UNC79: variants seen among roughly 807,000 people sequenced by gnomAD.
UNC79 encodes the protein protein unc-79 homolog.
In UNC79, 37 loss-of-function variants were observed where a neutral mutation model predicts 283.1. The observed-to-expected ratio is 0.13, with a 90% CI of 0.10 to 0.17. UNC79 has a LOEUF of 0.17. UNC79 is among the 10% of genes least tolerant of loss of function. The pLI is 1.00. For missense variants in UNC79, 2,272 were observed against 3,211.1 expected (o/e 0.71, Z 7.07); for synonymous variants, 1,107 against 1,200.2 (o/e 0.92, Z 1.61).
chr14:93,339,710 ACTGT>A (rs1339504888), intron 1 of UNC79, among the ~76,000 whole-genome samples: 1 of 152,176 alleles, frequency 6.6e-6, no homozygotes, highest in Non-Finnish European at 1.5e-5. Flanking sequence ...GATGTTGATG[ACTGT>A]CTGGATTAGC....
At chr14:93,695,588 AT>A in intron 47 of UNC79, among the ~76,000 whole-genome samples, 1 of 152,216 alleles carries the variant, frequency 6.6e-6, no homozygotes, top group East Asian at 1.9e-4. Context: ...GAACATATCC[AT>A]CACCTCCAAA....
chr14:93,369,128 A>T (rs2054393889), intron 1 of UNC79, among the ~76,000 whole-genome samples: 2 of 152,192 alleles, frequency 1.3e-5, no homozygotes, highest in Non-Finnish European at 2.9e-5. Context: ...AACACAACAT[A>T]CATTAACCCA....
intron 25 of UNC79, 77 bp downstream of exon 25, chr14:93,600,847 A>C: frequency 6.6e-7 from 1 of 1,506,150 alleles, no homozygotes. Context: ...AGACATTGGC[A>C]TGTCGTTTAA....
At chr14:93,540,913 T>C (rs2061341493) in intron 13 of UNC79, 82 bp downstream of exon 13, 1 of 1,568,762 alleles carries the variant, frequency 6.4e-7, no homozygotes, top group South Asian at 1.1e-5. Flanking sequence ...TCCTGTTCTT[T>C]TAAAAGGAGT....
chr14:93,479,619 CCTCT>C (rs1000571473), intron 4 of UNC79, among the ~76,000 whole-genome samples: 6 of 150,510 alleles, frequency 4.0e-5, no homozygotes, highest in Admixed American at 6.6e-5. Context: ...TTCCTCCCTT[CCTCT>C]CTCTCTCTCT....
At chr14:93,444,789 C>G (rs1227335146) in intron 1 of UNC79, among the ~76,000 whole-genome samples, 2 of 152,106 alleles carry the variant, frequency 1.3e-5, no homozygotes, top group East Asian at 3.8e-4. Context: ...ATCTTTAGTA[C>G]TATCAGTCTT....
At chr14:93,510,169 T>G (rs1249405288) in intron 7 of UNC79, among the ~76,000 whole-genome samples, 1 of 152,220 alleles carries the variant, frequency 6.6e-6, no homozygotes, top group South Asian at 2.1e-4. Context: ...AACAGTGTCC[T>G]GAGGTTGTGC....
rs549926832 is a variant in UNC79, at chr14:93,610,135, AG to A, written c.3755-2659del. On this transcript the variant is annotated intron_variant, in intron 26 of 48. Coordinates refer to ENST00000555664, the Ensembl canonical transcript of UNC79. ...AACATGCCCACTTGTAATGAGAAGAAGGGTTTTTAAATATTTAAGCTGAAGT... is the reference window on the plus strand; with the variant it reads ...AACATGCCCACTTGTAATGAGAAGAAGGTTTTTAAATATTTAAGCTGAAGT... 4.8e-3 allele frequency among the ~76,000 whole-genome samples: 728 copies of A among 152,270 alleles called. 8 individuals carry two copies. The highest frequency in any genetic ancestry group is 0.016 in the African/African-American group (662 of 41,548).
intron 30 of UNC79, among the ~76,000 whole-genome samples, chr14:93,629,829 C>T (rs7154324): frequency 0.66 from 100,476 of 152,086 alleles, 33,367 homozygotes; most frequent in Admixed American, 0.69. Flanking sequence ...GGGTTGACAT[C>T]CCTGAATTCC....
At chr14:93,603,720 G>T (rs965712447) in intron 26 of UNC79, among the ~76,000 whole-genome samples, 4 of 152,158 alleles carry the variant, frequency 2.6e-5, no homozygotes, top group Admixed American at 1.3e-4. Context: ...TAAGTCCTAG[G>T]ACACCAAAGT....
intron 34 of UNC79, among the ~76,000 whole-genome samples, chr14:93,645,446 C>G (rs1413994091): frequency 6.6e-6 from 1 of 152,210 alleles, no homozygotes; most frequent in African/African-American, 2.4e-5. Flanking sequence ...AGCCTAATCA[C>G]CAAAGCTACC....
intron 1 of UNC79, among the ~76,000 whole-genome samples, chr14:93,365,393 A>AG (rs2054308573): frequency 6.6e-6 from 1 of 151,682 alleles, no homozygotes; most frequent in Admixed American, 6.6e-5. Context: ...TCAAAAAAAA[A>AG]AAAAAAAAAA....
At chr14:93,425,510 T>C (rs2055706621), upstream of UNC79, among the ~76,000 whole-genome samples, 1 of 152,134 alleles carries the variant, frequency 6.6e-6, no homozygotes, top group African/African-American at 2.4e-5. Flanking sequence ...ATTAAAACAG[T>C]ATGGTTAAAC....
At chr14:93,700,487 TTC>T (rs1278223527) in intron 47 of UNC79, among the ~76,000 whole-genome samples, 7 of 152,310 alleles carry the variant, frequency 4.6e-5, no homozygotes, top group Admixed American at 4.6e-4. Context: ...TTGTTTTATT[TTC>T]TGTTAATGGA....
At chr14:93,601,399 A>G (rs1313542694) in intron 25 of UNC79, among the ~76,000 whole-genome samples, 1 of 152,212 alleles carries the variant, frequency 6.6e-6, no homozygotes, top group African/African-American at 2.4e-5. Context: ...AATGTTCTCC[A>G]ACTCCATCCA....
rs533680343 is a variant in UNC79 at position 93,431,708 on chromosome 14, G to A, written c.22+657G>A. On this transcript the variant is annotated intron_variant, in intron 1 of 48. Coordinates refer to ENST00000555664, the Ensembl canonical transcript of UNC79. ...ATCTAATTATTGTTCCAAAGAGCAG[G>A]CTTCCTTTGTAGGGCAGCCCATAGC... Among the ~76,000 whole-genome samples the A allele has an allele frequency of 6.6e-5, 10 of 152,328 alleles. No homozygotes were observed. In the East Asian group the frequency reaches 1.9e-3, roughly 29 times the overall value.
intron 11 of UNC79, among the ~76,000 whole-genome samples, chr14:93,534,532 C>T (rs1463679052): frequency 1.3e-5 from 2 of 152,136 alleles, no homozygotes; most frequent in Admixed American, 6.5e-5. Flanking sequence ...ATATTTTGGG[C>T]GTTTCAGTGT....
At chr14:93,475,676 G>A (rs2057760129) in intron 3 of UNC79, among the ~76,000 whole-genome samples, 4 of 152,150 alleles carry the variant, frequency 2.6e-5, no homozygotes, top group Non-Finnish European at 5.9e-5. Context: ...CGTCTCCTTC[G>A]TGACTACTAG....
At chr14:93,493,684 AT>A (rs2058847162) in intron 5 of UNC79, among the ~76,000 whole-genome samples, 1 of 151,810 alleles carries the variant, frequency 6.6e-6, no homozygotes, top group South Asian at 2.1e-4. Context: ...CTATAAAGAA[AT>A]ACCTGAGACT....
Sources: allele counts gnomAD v4.1 joint callset (sites outside exome capture counted in the v4.1 genomes callset), GRCh38; gene constraint gnomAD v4.1.1; transcripts MANE v1.5; gene names NCBI Gene and HGNC (gene_info 2026-07-23, HGNC 2026-07-21).